Variants in SGCG observed in about 807,000 individuals in gnomAD.
SGCG encodes sarcoglycan gamma, also known as gamma-sarcoglycan.
Under a neutral mutation model 29.3 loss-of-function variants are expected in SGCG, and 26 were observed. The ratio of observed to expected loss-of-function variants is 0.89; its 90% CI spans 0.65 to 1.23. The LOEUF (loss-of-function observed/expected upper bound fraction) is 1.23. Ranked by LOEUF, SGCG falls within the 50% of genes most tolerant of loss-of-function variation. SGCG has a pLI of 0.00. For synonymous variants in SGCG, 145 were observed against 129.7 expected (o/e 1.12, Z -0.80); for missense variants, 353 against 356.0 (o/e 0.99, Z 0.07).
At chr13:23,238,269 G>C (rs183302191) in intron 3 of SGCG, among the ~76,000 whole-genome samples, 3 of 152,306 alleles carry the variant, frequency 2.0e-5, no homozygotes, top group African/African-American at 7.2e-5. Context: ...AGTTTGCAAG[G>C]CGGAGTACTG....
At chr13:23,192,829 A>C (rs1877330646) in intron 1 of SGCG, among the ~76,000 whole-genome samples, 1 of 152,228 alleles carries the variant, frequency 6.6e-6, no homozygotes, top group African/African-American at 2.4e-5. Context: ...GTGGATGAGG[A>C]TATACTTTAT....
upstream of SGCG, among the ~76,000 whole-genome samples, chr13:23,179,878 T>TTTCAGGC (rs1876673413): frequency 6.6e-6 from 1 of 152,192 alleles, no homozygotes; most frequent in African/African-American, 2.4e-5. Context: ...CCTTTTTTTC[T>TTTCAGGC]TCATTTTTTA....
chr13:23,305,762 T>TA (rs1882339557), intron 6 of SGCG, among the ~76,000 whole-genome samples: 1 of 152,254 alleles, frequency 6.6e-6, no homozygotes, highest in Non-Finnish European at 1.5e-5. Flanking sequence ...GTATGTCTCT[T>TA]AGATATATTA....
intron 3 of SGCG, among the ~76,000 whole-genome samples, chr13:23,250,289 A>G (rs1268544364): frequency 6.6e-6 from 1 of 152,218 alleles, no homozygotes; most frequent in Non-Finnish European, 1.5e-5. Flanking sequence ...TCTATTACCT[A>G]GAACCCCACT....
chr13:23,214,457 T>C (rs1878349717), intron 2 of SGCG, among the ~76,000 whole-genome samples: 1 of 152,168 alleles, frequency 6.6e-6, no homozygotes, highest in African/African-American at 2.4e-5. Flanking sequence ...AGCAGTGCAG[T>C]ATTATCTGGC....
rs774709300 is a variant in SGCG, at chr13:23,324,712, A to G, written c.*171A>G. 66 of 650,750 alleles carry G rather than the reference A, an allele frequency of 1.0e-4. No individual in the cohort carries two copies. Among genetic ancestry groups the G allele is most frequent in the African/African-American group, 5.4e-5 (3 of 55,172 alleles). The allele number at this position is 650,750 out of a possible 1,614,324, so 40.3% of individuals were successfully genotyped here. A position where few individuals can be genotyped will look rare whatever the true frequency, so the allele number is the denominator to read the frequency against. On this transcript the variant is annotated 3_prime_UTR_variant, in exon 8 of 8. Coordinates refer to ENST00000218867, the MANE Select transcript of SGCG (RefSeq NM_000231.3). The stretch of plus-strand genomic sequence containing the variant: ...AAAGTGTTTGGACAAAAACTACATG[A>G]TCTCAAAATGCACGTGGATGTGAGA...
upstream of SGCG, among the ~76,000 whole-genome samples, chr13:23,178,650 A>C (rs1876633311): frequency 6.6e-6 from 1 of 151,976 alleles, no homozygotes; most frequent in Non-Finnish European, 1.5e-5. Context: ...TCATTAAAAT[A>C]CTCCGTTATT....
intron 2 of SGCG, among the ~76,000 whole-genome samples, chr13:23,221,843 TAGTC>T (rs919183674): frequency 3.3e-5 from 5 of 152,182 alleles, no homozygotes; most frequent in African/African-American, 1.2e-4. Context: ...CCTGTGGAAA[TAGTC>T]AGGGACCAGA....
Position 23,278,940 on chromosome 13 carries a change from T to C in SGCG, c.386-419T>C, listed in dbSNP as rs547123861. Among the ~76,000 whole-genome samples, 235 of 152,328 alleles carry C rather than the reference T, an allele frequency of 1.5e-3. 1 individual carries two copies. The highest frequency in any genetic ancestry group is 2.8e-3 in the Non-Finnish European group (192 of 68,036). ...TTCAGGATATGATTTATCTTCTAGGTTAACTTTGACCATTAAAGTGAGCCA... is the reference window on the plus strand; with the variant it reads ...TTCAGGATATGATTTATCTTCTAGGCTAACTTTGACCATTAAAGTGAGCCA... On this transcript the variant is annotated intron_variant, in intron 4 of 7. Transcript: ENST00000218867.
At chr13:23,286,494 C>G (rs968481147) in intron 5 of SGCG, among the ~76,000 whole-genome samples, 13 of 152,186 alleles carry the variant, frequency 8.5e-5, no homozygotes, top group Non-Finnish European at 8.8e-5. Flanking sequence ...ACAATGCCCT[C>G]AATTTAACTA....
At chr13:23,256,694 C>A (rs566194541) in intron 4 of SGCG, among the ~76,000 whole-genome samples, 1 of 152,200 alleles carries the variant, frequency 6.6e-6, no homozygotes, top group Admixed American at 6.5e-5. Context: ...CATGTCTCTA[C>A]AAAGGACATG....
At chr13:23,244,001 C>T (rs1879606082) in intron 3 of SGCG, 1 of 152,026 alleles carries the variant, frequency 6.6e-6, no homozygotes, top group African/African-American at 2.4e-5. Flanking sequence ...CTAGATAGAG[C>T]TCCCAAGGGC....
chr13:23,275,574 G>A (rs1391884338), intron 4 of SGCG, among the ~76,000 whole-genome samples: 2 of 151,928 alleles, frequency 1.3e-5, no homozygotes, highest in African/African-American at 4.8e-5. Context: ...ATGATTATCA[G>A]GGACATTTAC....
At chr13:23,295,357 T>C (rs917017364) in intron 5 of SGCG, 58 bp from the exon 6 acceptor site, 2 of 1,263,480 alleles carry the variant, frequency 1.6e-6, no homozygotes, top group African/African-American at 2.9e-5. Flanking sequence ...AAATGTTTAT[T>C]TTGTTTGGTG....
At chr13:23,255,032 A>C (rs2137576211) in intron 4 of SGCG, among the ~76,000 whole-genome samples, 1 of 152,360 alleles carries the variant, frequency 6.6e-6, no homozygotes, top group South Asian at 2.1e-4. Context: ...GTACTAGAAC[A>C]GGGCTGAGAG....
intron 5 of SGCG, among the ~76,000 whole-genome samples, chr13:23,283,456 T>G (rs1433886610): frequency 6.6e-6 from 1 of 152,244 alleles, no homozygotes. Flanking sequence ...TTTATCTTTT[T>G]TCCATTTGCT....
At chr13:23,265,267 T>A (rs932249789) in intron 4 of SGCG, among the ~76,000 whole-genome samples, 5 of 150,660 alleles carry the variant, frequency 3.3e-5, no homozygotes, top group East Asian at 1.9e-4. Flanking sequence ...AAAAAAAAAA[T>A]GAATAATATC....
intron 4 of SGCG, among the ~76,000 whole-genome samples, chr13:23,266,243 G>T (rs1332974677): frequency 1.3e-5 from 2 of 150,670 alleles, no homozygotes; most frequent in Admixed American, 6.6e-5. Context: ...CTGCACTCCA[G>T]CCTGGGCAAC....
In SGCG at chr13:23,320,680, G is replaced by A. The variant is rs1221310096; in HGVS notation, c.622G>A (p.Gly208Ser). The change falls in exon 7 of 8, where the codon GGT (glycine) becomes AGT (serine). Residue 208 changes from glycine (G) to serine (S), a missense_variant. By Grantham distance (56) the Gly-to-Ser change is moderately conservative. Transcript: ENST00000218867. ...GAGTCTAAGCATGGATGCCCCAAGG[G>A]GTGTGCATATTCAAGCTCACGCTGG... ...TRSLSMDAPR[G>S]VHIQAHAGKI... The A allele has an allele frequency of 1.2e-6, 2 of 1,609,820 alleles. No individual in the cohort carries two copies. The highest frequency in any genetic ancestry group is 1.7e-5 in the Admixed American group (1 of 59,600).
Sources: allele counts gnomAD v4.1 joint callset (sites outside exome capture counted in the v4.1 genomes callset), GRCh38; gene constraint gnomAD v4.1.1; transcripts MANE v1.5; gene names NCBI Gene and HGNC (gene_info 2026-07-23, HGNC 2026-07-21).